DPPA2: variants seen among roughly 807,000 people sequenced by gnomAD.
The protein encoded by DPPA2 is developmental pluripotency associated 2, also known as developmental pluripotency-associated protein 2.
DPPA2 carries 26 observed loss-of-function variants against 36.2 expected under a neutral mutation model. The observed-to-expected ratio is 0.72, with a 90% CI of 0.53 to 1.00. DPPA2 has a LOEUF of 1.00. DPPA2 is among the 50% of genes least tolerant of loss of function. DPPA2 has a pLI of 0.00. For missense variants in DPPA2, 361 were observed against 365.1 expected, an observed-to-expected ratio of 0.99 and a Z score of 0.09; for synonymous variants, 113 against 123.2, an observed-to-expected ratio of 0.92 and a Z score of 0.55.
chr3:109,302,006 A>G (rs1043418572), intron 7 of DPPA2, among the ~76,000 whole-genome samples: 1 of 152,180 alleles, frequency 6.6e-6, no homozygotes, highest in Non-Finnish European at 1.5e-5. Context: ...TCATTACCTT[A>G]CATGGCCATC....
Position 109,309,168 on chromosome 3 carries a change from A to G in DPPA2, c.342+2T>C, listed in dbSNP as rs1265395552. 4.3e-6 allele frequency: 7 copies of G among 1,613,982 alleles called. No homozygotes were observed. Among genetic ancestry groups the G allele is most frequent in the Admixed American group, 1.7e-5 (1 of 59,966 alleles). ...AGCAGATATTCACCCAAGTGTACTA[A>G]CCTTGCCATTAGTACTCAAACCGAG... On this transcript the variant is annotated splice_donor_variant, in intron 4 of 8. Coordinates refer to ENST00000478945, the MANE Select transcript of DPPA2 (RefSeq NM_138815.4). LOFTEE classifies it high-confidence loss of function.
chr3:109,300,982 C>T (rs1707448150), intron 7 of DPPA2, among the ~76,000 whole-genome samples: 1 of 143,858 alleles, frequency 7.0e-6, no homozygotes, highest in African/African-American at 2.7e-5. Context: ...ATGGATCTCA[C>T]ATCTTTTTTT....
rs1244520768 is a variant in DPPA2 at position 109,312,540 on chromosome 3, C to T, written c.181+5G>A. 3 of 1,611,446 alleles carry T rather than the reference C, an allele frequency of 1.9e-6. No individual in the cohort carries two copies. The highest frequency in any genetic ancestry group is 2.5e-6 in the Non-Finnish European group (3 of 1,178,518). Reference sequence around the variant, plus strand: ...TAACTAACTGAGCAATCCCTGTCCTCATACCTGGATTGTATTTCTTAGGCT... The same window carrying T: ...TAACTAACTGAGCAATCCCTGTCCTTATACCTGGATTGTATTTCTTAGGCT... On this transcript the variant is annotated splice_donor_5th_base_variant and intron_variant, in intron 3 of 8. Coordinates refer to ENST00000478945, the MANE Select transcript of DPPA2 (RefSeq NM_138815.4).
chr3:109,306,837 G>A (rs1707574918), intron 6 of DPPA2, among the ~76,000 whole-genome samples: 1 of 151,922 alleles, frequency 6.6e-6, no homozygotes, highest in East Asian at 2.0e-4. Context: ...GCCAGGCATG[G>A]TGGCGCATGA....
At chr3:109,300,074 A>G (rs1479495594) in intron 8 of DPPA2, among the ~76,000 whole-genome samples, 1 of 152,204 alleles carries the variant, frequency 6.6e-6, no homozygotes, top group African/African-American at 2.4e-5. Flanking sequence ...CATTAATTAA[A>G]ACAAAACCAA....
intron 8 of DPPA2, among the ~76,000 whole-genome samples, chr3:109,294,969 C>A (rs2107297095): frequency 6.6e-6 from 1 of 152,078 alleles, no homozygotes; most frequent in East Asian, 1.9e-4. Context: ...TGCTGTGAGC[C>A]AAGATTGCAC....
At chr3:109,301,121 C>A (rs368805234) in intron 7 of DPPA2, among the ~76,000 whole-genome samples, 5 of 151,698 alleles carry the variant, frequency 3.3e-5, no homozygotes, top group East Asian at 2.0e-4. Flanking sequence ...GTAGTTGGGA[C>A]CACAGGTGCA....
At chr3:109,301,629 T>C (rs370559576) in intron 7 of DPPA2, among the ~76,000 whole-genome samples, 1 of 151,586 alleles carries the variant, frequency 6.6e-6, no homozygotes, top group East Asian at 2.0e-4. Context: ...TCCAGCCTGG[T>C]TGACAGAGCC....
intron 7 of DPPA2, among the ~76,000 whole-genome samples, chr3:109,304,042 C>A (rs1404347537): frequency 6.6e-6 from 1 of 151,846 alleles, no homozygotes; most frequent in Non-Finnish European, 1.5e-5. Flanking sequence ...GAGGCCGAGG[C>A]GGGCGGATCA....
rs372768027 is a variant in DPPA2, at chr3:109,310,661, A to G, written c.182-1331T>C. Among the ~76,000 whole-genome samples, 148 of 151,686 alleles carry G rather than the reference A, an allele frequency of 9.8e-4. 1 individual carries two copies. The highest frequency in any genetic ancestry group is 3.3e-3 in the African/African-American group (136 of 41,410). On this transcript the variant is annotated intron_variant, in intron 3 of 8. Coordinates refer to ENST00000478945, the MANE Select transcript of DPPA2 (RefSeq NM_138815.4). ...GGTGGGACTACAGGCACGCGCCACC[A>G]TGCCCAGCTAATTTTTGTATTTTTA...
chr3:109,304,592 C>CCTGCATGAAA lies in DPPA2; in HGVS notation c.727_736dup (p.Gly246ValfsTer34). The CCTGCATGAAA allele has an allele frequency of 6.2e-7, 1 of 1,614,052 alleles. No individual in the cohort carries two copies. Among genetic ancestry groups the CCTGCATGAAA allele is most frequent in the East Asian group, 2.2e-5 (1 of 44,854 alleles). ...GTGAGTGGTAGGCACCCAGGCCTGACCTGCATGAAACTGCAGGCGTACCCA... is the reference window on the plus strand; with the variant it reads ...GTGAGTGGTAGGCACCCAGGCCTGACCTGCATGAAACTGCATGAAACTGCAGGCGTACCCA... On this transcript the variant is annotated frameshift_variant, in exon 7 of 9. Transcript: ENST00000478945. LOFTEE classifies it high-confidence loss of function.
rs185163129 is a variant in DPPA2 at position 109,314,938 on chromosome 3, C to A, written c.-13-383G>T. ...AAAATTAGGCGGGCGTTGTGGCGAGCGCCTGTAATCCCACCTACTCGGGAG... is the reference window on the plus strand; with the variant it reads ...AAAATTAGGCGGGCGTTGTGGCGAGAGCCTGTAATCCCACCTACTCGGGAG... On this transcript the variant is annotated intron_variant, in intron 1 of 8. Transcript: ENST00000478945. 5.3e-3 allele frequency among the ~76,000 whole-genome samples: 803 copies of A among 152,166 alleles called. 14 individuals carry two copies. Among genetic ancestry groups the A allele is most frequent in the African/African-American group, 0.018 (731 of 41,520 alleles).
chr3:109,312,715 G>T, intron 2 of DPPA2, 23 bp from the exon 3 acceptor site: 1 of 1,611,440 alleles, frequency 6.2e-7, no homozygotes, highest in Non-Finnish European at 8.5e-7. Flanking sequence ...GTCAGTCACT[G>T]ATTTTCATTT....
intron 6 of DPPA2, among the ~76,000 whole-genome samples, chr3:109,307,182 TG>T (rs1366614375): frequency 6.6e-6 from 1 of 151,602 alleles, no homozygotes; most frequent in African/African-American, 2.4e-5. Context: ...TTACCCAGGC[TG>T]GTCTCTAACT....
chr3:109,305,468 C>CTT (rs1483539434), intron 6 of DPPA2, among the ~76,000 whole-genome samples: 1 of 150,948 alleles, frequency 6.6e-6, no homozygotes, highest in African/African-American at 2.4e-5. Context: ...AACAGACAAG[C>CTT]GTCTGTTTAA....
chr3:109,304,544 A>C lies in DPPA2; in HGVS notation c.785T>G (p.Leu262Trp). The part of the protein sequence containing the change: ...TTHRRMISLF[L>W]LPACIFPSPG... ...GGATGGGAAAATGCAGGCAGGTAAC[A>C]AGAAGAGAGAAATCATCCTCCTGTG... is the stretch of plus-strand genomic sequence containing the variant. The change falls in exon 7 of 9, where the codon TTG becomes TGG. Residue 262 changes from leucine to tryptophan, a missense_variant. Leu to Trp is a moderately conservative substitution (Grantham distance 61, BLOSUM62 -2). Coordinates refer to ENST00000478945, the MANE Select transcript of DPPA2 (RefSeq NM_138815.4). The C allele has an allele frequency of 6.2e-7, 1 of 1,614,120 alleles. No homozygotes were observed. Among genetic ancestry groups the C allele is most frequent in the Non-Finnish European group, 8.5e-7 (1 of 1,180,034 alleles).
rs1450322551 is a variant in DPPA2, at chr3:109,300,404, CT to C, written c.885del (p.Val296Ter). On this transcript the variant is annotated frameshift_variant, in exon 8 of 9. Coordinates refer to ENST00000478945, the MANE Select transcript of DPPA2 (RefSeq NM_138815.4). LOFTEE classifies it high-confidence loss of function. ...RNKKMMKRLM[T>X]VEK ...CAAACAGGTTGCTGCTACTTCTCTA[CT>C]GTCATTAATCTTTTCATCATCTTCT... 4.3e-5 allele frequency: 70 copies of C among 1,613,768 alleles called. No individual in the cohort carries two copies. The highest frequency in any genetic ancestry group is 5.9e-5 in the Non-Finnish European group (70 of 1,179,822).
intron 7 of DPPA2, among the ~76,000 whole-genome samples, chr3:109,303,658 C>T (rs375692619): frequency 1.3e-5 from 2 of 152,044 alleles, no homozygotes; most frequent in East Asian, 1.9e-4. Context: ...CATGAGCCAC[C>T]GCGCCTGGCC....
intron 7 of DPPA2, 95 bp downstream of exon 7, chr3:109,304,380 G>T: frequency 1.6e-6 from 2 of 1,286,510 alleles, no homozygotes; most frequent in Non-Finnish European, 2.1e-6. Context: ...AAGACAGCAT[G>T]TTCGCCCTCT....
Sources: allele counts gnomAD v4.1 joint callset (sites outside exome capture counted in the v4.1 genomes callset), GRCh38; gene constraint gnomAD v4.1.1; transcripts MANE v1.5; gene names NCBI Gene and HGNC (gene_info 2026-07-23, HGNC 2026-07-21).